CXADR: variants seen among roughly 807,000 people sequenced by gnomAD.
The protein encoded by CXADR is coxsackievirus and adenovirus receptor.
A neutral mutation model predicts 40.3 loss-of-function variants in CXADR; 20 were observed. The ratio of observed to expected loss-of-function variants is 0.50; its 90% CI spans 0.35 to 0.72. CXADR has a LOEUF of 0.72. Among genes scored for constraint, CXADR ranks in the 30% least tolerant of loss-of-function variants. CXADR has a pLI of 0.01. For synonymous variants in CXADR, 150 were observed against 161.3 expected, an observed-to-expected ratio of 0.93 and a Z score of 0.53; for missense variants, 332 against 449.1, an observed-to-expected ratio of 0.74 and a Z score of 2.36.
intron 2 of CXADR, among the ~76,000 whole-genome samples, chr21:17,550,354 A>AG (rs1166152370): frequency 6.6e-6 from 1 of 151,214 alleles, no homozygotes; most frequent in Non-Finnish European, 1.5e-5. Context: ...ACTGTCTCAA[A>AG]AAAAAAAAAA....
chr21:17,563,866 G>A (rs1383264188), intron 6 of CXADR, among the ~76,000 whole-genome samples: 9 of 143,760 alleles, frequency 6.3e-5, no homozygotes, highest in Non-Finnish European at 9.1e-5. Flanking sequence ...GCGTGAACCC[G>A]GGAGGTGGAG....
At chr21:17,594,417 T>G (rs534529331), downstream of CXADR, 1 of 1,253,194 alleles carries the variant, frequency 8.0e-7, no homozygotes, top group African/African-American at 1.6e-5. Context: ...ACAAACAAAG[T>G]TACCCACAAC....
chr21:17,551,649 G>A, intron 2 of CXADR, 100 bp from the exon 3 acceptor site: 2 of 948,024 alleles, frequency 2.1e-6, no homozygotes, highest in Non-Finnish European at 3.1e-6. Flanking sequence ...TTCTGGGAGG[G>A]GGCGTTCTGT....
intron 7 of CXADR, among the ~76,000 whole-genome samples, chr21:17,584,973 G>A (rs1249325159): frequency 6.6e-6 from 1 of 152,160 alleles, no homozygotes; most frequent in East Asian, 1.9e-4. Flanking sequence ...AGTGGTTGAT[G>A]GATGATTTAT....
At chr21:17,577,593 C>T (rs1287431944) in intron 7 of CXADR, among the ~76,000 whole-genome samples, 2 of 126,398 alleles carry the variant, frequency 1.6e-5, no homozygotes, top group Non-Finnish European at 3.2e-5. Context: ...TTTTCTCACA[C>T]GTCAGACCAT....
the CXADR span, among the ~76,000 whole-genome samples, chr21:17,629,294 C>T: frequency 3.3e-5 from 5 of 150,088 alleles, no homozygotes; most frequent in South Asian, 2.1e-4. Context: ...GTGGAAGGAT[C>T]GCTTGAACCT....
the CXADR span, among the ~76,000 whole-genome samples, chr21:17,603,174 T>C: frequency 6.0e-4 from 91 of 152,322 alleles, no homozygotes; most frequent in African/African-American, 2.1e-3. Context: ...AACAATTCAA[T>C]ATAGTAGCTT....
At chr21:17,621,096 C>G in the CXADR span, among the ~76,000 whole-genome samples, 1 of 152,154 alleles carries the variant, frequency 6.6e-6, no homozygotes. Context: ...TTAAAGTCAA[C>G]TGAGTATAAA....
Position 17,524,802 on chromosome 21 carries a change from G to A in CXADR, c.43+11630G>A, listed in dbSNP as rs570446873. Among the ~76,000 whole-genome samples the A allele has an allele frequency of 6.6e-5, 10 of 151,856 alleles. No homozygotes were observed. In the East Asian group the frequency reaches 9.7e-4, roughly 15 times the overall value. On this transcript the variant is annotated intron_variant, in intron 1 of 6. Transcript: ENST00000284878. ...CACGTTCCTGTAGTCCCAGCTATTC[G>A]GGAGGCTGAGGTAGGAGAATCACTT...
At chr21:17,552,022 C>T in intron 3 of CXADR, 69 bp downstream of exon 3, 1 of 1,168,422 alleles carries the variant, frequency 8.6e-7, no homozygotes, top group Non-Finnish European at 1.3e-6. Context: ...ACTGTAGTAG[C>T]AGCACTTGTA....
chr21:17,571,492 C>A (rs1231870013), downstream of CXADR, among the ~76,000 whole-genome samples: 1 of 152,096 alleles, frequency 6.6e-6, no homozygotes, highest in African/African-American at 2.4e-5. Flanking sequence ...TTCTGCTTAA[C>A]AAATGGCAAA....
chr21:17,607,024 T>C, the CXADR span, among the ~76,000 whole-genome samples: 3 of 152,198 alleles, frequency 2.0e-5, no homozygotes, highest in Admixed American at 1.3e-4. Flanking sequence ...ACACTCCACC[T>C]ATTCTACAGA....
chr21:17,620,811 A>C, the CXADR span, among the ~76,000 whole-genome samples: 92 of 152,120 alleles, frequency 6.0e-4, no homozygotes, highest in Non-Finnish European at 1.1e-3. Flanking sequence ...TAAATAAATA[A>C]TTTTAAAAGA....
the CXADR span, among the ~76,000 whole-genome samples, chr21:17,615,792 A>G: frequency 2.0e-4 from 30 of 152,230 alleles, no homozygotes; most frequent in African/African-American, 6.3e-4. Flanking sequence ...CTAGGGCTTT[A>G]TAATCACAGG....
At position 17,565,713 on chromosome 21, in the gene CXADR, G is replaced by T; in HGVS notation, c.*21G>T. The T allele has an allele frequency of 2.5e-6, 4 of 1,601,434 alleles. No homozygotes were observed. Among genetic ancestry groups the T allele is most frequent in the Non-Finnish European group, 3.4e-6 (4 of 1,173,164 alleles). The stretch of plus-strand genomic sequence containing the variant: ...TATAGAGCCTCCATATGTCTCATCT[G>T]TGCTCTCCGTGTTCCTTTCCTTTTT... On this transcript the variant is annotated 3_prime_UTR_variant, in exon 7 of 7. Coordinates refer to ENST00000284878, the MANE Select transcript of CXADR (RefSeq NM_001338.5).
intron 7 of CXADR, among the ~76,000 whole-genome samples, chr21:17,586,980 C>T (rs563677455): frequency 5.3e-5 from 8 of 152,226 alleles, no homozygotes; most frequent in African/African-American, 1.7e-4. Context: ...TGAGTGAGAA[C>T]ATGCGGTGTT....
intron 2 of CXADR, among the ~76,000 whole-genome samples, chr21:17,548,598 C>T (rs947464004): frequency 6.6e-6 from 1 of 152,170 alleles, no homozygotes; most frequent in African/African-American, 2.4e-5. Context: ...CTTTAGAGCC[C>T]AGGACTCTGA....
intron 7 of CXADR, among the ~76,000 whole-genome samples, chr21:17,588,712 A>C (rs544838392): frequency 9.9e-5 from 15 of 152,258 alleles, no homozygotes; most frequent in African/African-American, 3.6e-4. Context: ...AGTATGTATT[A>C]ATAAATAATG....
At chr21:17,554,498 A>T (rs1175600172) in intron 3 of CXADR, among the ~76,000 whole-genome samples, 1 of 152,062 alleles carries the variant, frequency 6.6e-6, no homozygotes, top group Non-Finnish European at 1.5e-5. Context: ...GGAGGGGGAG[A>T]GGGGATAAAC....
Sources: allele counts gnomAD v4.1 joint callset (sites outside exome capture counted in the v4.1 genomes callset), GRCh38; gene constraint gnomAD v4.1.1; transcripts MANE v1.5; gene names NCBI Gene and HGNC (gene_info 2026-07-23, HGNC 2026-07-21).